The following LRRC43 variants were observed in gnomAD, a reference collection of about 807,000 sequenced individuals.
The protein encoded by LRRC43 is leucine rich repeat containing 43, also known as leucine-rich repeat-containing protein 43.
In LRRC43, 62 loss-of-function variants were observed where a neutral mutation model predicts 64.3. The observed-to-expected ratio is 0.96, with a 90% CI of 0.79 to 1.19. The LOEUF (loss-of-function observed/expected upper bound fraction) is 1.19. Ranked by LOEUF, LRRC43 falls within the 50% of genes most tolerant of loss-of-function variation. The pLI, the probability that LRRC43 is intolerant of heterozygous loss-of-function variation, is 0.00. For synonymous variants in LRRC43, 422 were observed against 382.3 expected, an observed-to-expected ratio of 1.10 and a Z score of -1.21; for missense variants, 868 against 845.0, an observed-to-expected ratio of 1.03 and a Z score of -0.34.
chr12:122,176,432 A>T (rs1953537578), intron 1 of LRRC43, among the ~76,000 whole-genome samples: 1 of 152,164 alleles, frequency 6.6e-6, no homozygotes, highest in Non-Finnish European at 1.5e-5. Context: ...CCTGGGTTTT[A>T]TTCCACATGT....
In LRRC43 at chr12:122,188,909, T is replaced by C. The variant is rs1953679401; in HGVS notation, c.662+1069T>C. Among the ~76,000 whole-genome samples the C allele has an allele frequency of 2.0e-5, 3 of 152,162 alleles. No homozygotes were observed. In the South Asian group the frequency reaches 6.2e-4, roughly 32 times the overall value. On this transcript the variant is annotated intron_variant, in intron 4 of 11. Transcript: ENST00000339777. ...CCCCATTAGTTGTGACAAACAAAAA[T>C]GTCTCCAGACAGTTTTTGTCTGAGC... is the stretch of plus-strand genomic sequence containing the variant.
rs759099047 is a variant in LRRC43, at chr12:122,203,342, ACGAAGG to A, written c.1875_1880del (p.Glu625_Gly626del). The A allele has an allele frequency of 6.2e-7, 1 of 1,613,228 alleles. No individual in the cohort carries two copies. The highest frequency in any genetic ancestry group is 8.5e-7 in the Non-Finnish European group (1 of 1,179,918). Reference sequence around the variant, plus strand: ...AAGCCGAAAGCCGTGATTCCGATCTACGAAGGCGATTACCACCCTGAGCCCCTGACC... The same window carrying A: ...AAGCCGAAAGCCGTGATTCCGATCTACGATTACCACCCTGAGCCCCTGACC... On this transcript the variant is annotated inframe_deletion, in exon 12 of 12. Coordinates refer to ENST00000339777, the MANE Select transcript of LRRC43 (RefSeq NM_001098519.2).
chr12:122,195,101 C>T lies in LRRC43; in HGVS notation c.1349+2097C>T, dbSNP rs566103352. Among the ~76,000 whole-genome samples the T allele has an allele frequency of 7.2e-5, 11 of 152,214 alleles. No homozygotes were observed. The South Asian group carries it at 1.0e-3, about 14-fold the overall frequency. ...ATGTATTCAACTTCTTTTCATGTTT[C>T]GTGTAAGGCAAATCTACTGGCAACA... On this transcript the variant is annotated intron_variant, in intron 7 of 11. Coordinates refer to ENST00000339777, the MANE Select transcript of LRRC43 (RefSeq NM_001098519.2).
Position 122,201,336 on chromosome 12 carries a change from G to A in LRRC43, c.1843+7G>A. On this transcript the variant is annotated splice_region_variant and intron_variant, in intron 11 of 11. Transcript: ENST00000339777. The stretch of plus-strand genomic sequence containing the variant: ...AAGAAAGTTGCCAAAAAAGGTGAGT[G>A]CCGATGGTGGTGACCAAAGGCAGGG... 2.5e-6 allele frequency: 4 copies of A among 1,613,934 alleles called. No individual in the cohort carries two copies. The highest frequency in any genetic ancestry group is 3.4e-6 in the Non-Finnish European group (4 of 1,179,790).
upstream of LRRC43, among the ~76,000 whole-genome samples, chr12:122,181,610 A>ATTTTT (rs369940986): frequency 7.4e-6 from 1 of 135,338 alleles, no homozygotes; most frequent in East Asian, 2.2e-4. Context: ...TTTTGGATAA[A>ATTTTT]TTTTTTTTTT....
chr12:122,184,752 C>G lies in LRRC43; in HGVS notation c.384C>G (p.Phe128Leu). 1 of 1,608,958 alleles carries G rather than the reference C, an allele frequency of 6.2e-7. No homozygotes were observed. The highest frequency in any genetic ancestry group is 8.5e-7 in the Non-Finnish European group (1 of 1,177,666). Reference protein sequence around the residue: ...TITDTFFYSYFRSLRVIDKKV... With the variant: ...TITDTFFYSYLRSLRVIDKKV... ...CAGACACCTTCTTCTACTCCTACTTCCGGTCCCTGCGGGTAATAGACAAGA... is the reference window on the plus strand; with the variant it reads ...CAGACACCTTCTTCTACTCCTACTTGCGGTCCCTGCGGGTAATAGACAAGA... The change falls in exon 2 of 12, where the codon TTC (phenylalanine) becomes TTG (leucine). Residue 128 changes from phenylalanine to leucine, a missense_variant. Transcript: ENST00000339777. The surrounding 1 kb of genome is among the most constrained non-coding windows in gnomAD (Gnocchi z 4.0).
chr12:122,169,021 T>C (rs1953462559), intron 1 of LRRC43, among the ~76,000 whole-genome samples: 1 of 152,090 alleles, frequency 6.6e-6, no homozygotes. Flanking sequence ...GTGAGGGAGG[T>C]ACCTTCTCAT....
Position 122,184,241 on chromosome 12 carries a change from C to G in LRRC43, c.151-278C>G, listed in dbSNP as rs1439369896. On this transcript the variant is annotated intron_variant, in intron 1 of 11. Coordinates refer to ENST00000339777, the MANE Select transcript of LRRC43 (RefSeq NM_001098519.2). The surrounding 1 kb of genome is among the most constrained non-coding windows in gnomAD (Gnocchi z 4.0). ...TCCCGAGTAGCTGAGACTACAGTTG[C>G]GTGCCACCACGCCCGGCTAATTTTT... Among the ~76,000 whole-genome samples the G allele has an allele frequency of 6.6e-6, 1 of 152,030 alleles. No homozygotes were observed. The highest frequency in any genetic ancestry group is 1.5e-5 in the Non-Finnish European group (1 of 68,012).
At chr12:122,201,071 C>A in intron 10 of LRRC43, 137 bp downstream of exon 10, 1 of 1,186,098 alleles carries the variant, frequency 8.4e-7, no homozygotes, top group Non-Finnish European at 1.2e-6. Context: ...CTGGGGCATG[C>A]AGCTGGGCTG....
chr12:122,188,170 C>G (rs888731744), intron 4 of LRRC43, among the ~76,000 whole-genome samples: 1 of 152,066 alleles, frequency 6.6e-6, no homozygotes, highest in Non-Finnish European at 1.5e-5. Context: ...GCATTGGCGC[C>G]ATCTCTGCTC....
upstream of LRRC43, among the ~76,000 whole-genome samples, chr12:122,178,895 T>C (rs904464184): frequency 1.5e-4 from 23 of 151,932 alleles, no homozygotes; most frequent in African/African-American, 4.8e-4. Flanking sequence ...GCGTGAGCCA[T>C]GGTGCCTGGC....
intron 1 of LRRC43, among the ~76,000 whole-genome samples, chr12:122,175,302 T>G (rs566804595): frequency 6.6e-5 from 10 of 151,904 alleles, no homozygotes; most frequent in Non-Finnish European, 1.2e-4. Context: ...CCTGAGTGGC[T>G]GGGATTACAG....
At chr12:122,176,334 T>C (rs1044810615) in intron 1 of LRRC43, among the ~76,000 whole-genome samples, 6 of 152,044 alleles carry the variant, frequency 3.9e-5, no homozygotes, top group Non-Finnish European at 8.8e-5. Context: ...AAGAGGGTCA[T>C]GGCAGCCACA....
intron 2 of LRRC43, among the ~76,000 whole-genome samples, chr12:122,185,677 G>C (rs1198916223): frequency 6.6e-6 from 1 of 152,210 alleles, no homozygotes; most frequent in Non-Finnish European, 1.5e-5. Flanking sequence ...GGGACTTTCA[G>C]TTTCAGTGCA....
chr12:122,188,145 C>T (rs937444101), intron 4 of LRRC43, among the ~76,000 whole-genome samples: 8 of 152,228 alleles, frequency 5.3e-5, no homozygotes, highest in East Asian at 1.9e-4. Context: ...CTCGCTTTGT[C>T]GCCCAGGCTG....
chr12:122,192,693 G>A (rs1430427474), intron 6 of LRRC43, 52 bp from the exon 7 acceptor site: 2 of 1,597,356 alleles, frequency 1.3e-6, no homozygotes, highest in Non-Finnish European at 1.7e-6. Flanking sequence ...GGCATCAGCT[G>A]AGCACATCCT....
upstream of LRRC43, among the ~76,000 whole-genome samples, chr12:122,180,965 C>T (rs550962085): frequency 6.6e-6 from 1 of 152,270 alleles, no homozygotes; most frequent in South Asian, 2.1e-4. Flanking sequence ...CCTGTGATCT[C>T]AGCACTTTGG....
At chr12:122,183,328 G>A (rs1953603123) in intron 1 of LRRC43, 34 bp downstream of exon 1, 10 of 1,423,122 alleles carry the variant, frequency 7.0e-6, no homozygotes, top group Non-Finnish European at 9.1e-6. Context: ...CTGGGGGCCT[G>A]GACCGGCTGC....
chr12:122,192,515 AC>A (rs1953729877), intron 6 of LRRC43, among the ~76,000 whole-genome samples: 1 of 152,188 alleles, frequency 6.6e-6, no homozygotes, highest in Non-Finnish European at 1.5e-5. Context: ...ACCAGGAGAA[AC>A]CTGTCTCCTC....
Sources: gnomAD v4.1 joint callset for allele counts (sites outside exome capture counted in the v4.1 genomes callset) on GRCh38, gnomAD v4.1.1 for gene constraint, Gnocchi (gnomAD v3.1) non-coding constraint, MANE v1.5 for transcripts, NCBI Gene and HGNC (gene_info 2026-07-23, HGNC 2026-07-21) for gene names.